The following SDK2 variants were observed in gnomAD, a reference collection of about 807,000 sequenced individuals.
SDK2 encodes protein sidekick-2.
In SDK2, 105 loss-of-function variants were observed where a neutral mutation model predicts 253.9. That is an observed-to-expected ratio of 0.41 (90% CI 0.35 to 0.49). The LOEUF (loss-of-function observed/expected upper bound fraction) is 0.49, where lower values mean the gene tolerates loss of function less well. SDK2 is among the 20% of genes least tolerant of loss of function. The probability of loss-of-function intolerance (pLI) is 0.06; values close to 1 mark genes in which losing one functional copy is unlikely to be tolerated. For synonymous variants in SDK2, 1,249 were observed against 1,234.9 expected, an observed-to-expected ratio of 1.01 and a Z score of -0.24; for missense variants, 2,608 against 3,003.0, an observed-to-expected ratio of 0.87 and a Z score of 3.07.
intron 1 of SDK2, among the ~76,000 whole-genome samples, chr17:73,603,786 G>A (rs2045872652): frequency 6.6e-6 from 1 of 152,220 alleles, no homozygotes; most frequent in Non-Finnish European, 1.5e-5. Context: ...TGGCAAAGCT[G>A]GGCCTTCAAC....
chr17:73,433,947 A>G, intron 9 of SDK2, 99 bp from the exon 10 acceptor site: 1 of 740,480 alleles, frequency 1.4e-6, no homozygotes, highest in Non-Finnish European at 2.2e-6. Context: ...CCAGGCCCTC[A>G]TCCTCCCCCT....
intron 36 of SDK2, among the ~76,000 whole-genome samples, chr17:73,373,778 A>G (rs1437410241): frequency 6.6e-6 from 1 of 151,982 alleles, no homozygotes; most frequent in East Asian, 1.9e-4. Context: ...TGCCTCAGCC[A>G]GGTGCCTGCC....
intron 2 of SDK2, among the ~76,000 whole-genome samples, chr17:73,495,624 GTGTGTGTGTGTGTGTGTGTGTTTGTT>G (rs1327421152): frequency 8.8e-5 from 13 of 147,194 alleles, no homozygotes; most frequent in Non-Finnish European, 1.8e-4. Context: ...TGCCCCGTGT[GTGTGTGTGTGTGTGTGTGTGTTTGTT>G]TGTGTATGTG....
intron 40 of SDK2, among the ~76,000 whole-genome samples, chr17:73,355,174 A>ATATATATATATATATATATATTTTTT: frequency 2.1e-5 from 1 of 47,240 alleles, no homozygotes; most frequent in Non-Finnish European, 3.4e-5. Flanking sequence ...ATATATATAT[A>ATATATATATATATATATATATTTTTT]TTTTTTTTTT....
chr17:73,445,981 G>A (rs1319873885), intron 5 of SDK2, among the ~76,000 whole-genome samples: 1 of 152,074 alleles, frequency 6.6e-6, no homozygotes, highest in Non-Finnish European at 1.5e-5. Context: ...ATGGAGCAGA[G>A]AGCGAATGAC....
At chr17:73,365,833 A>G (rs2062679988) in intron 37 of SDK2, among the ~76,000 whole-genome samples, 1 of 152,066 alleles carries the variant, frequency 6.6e-6, no homozygotes, top group African/African-American at 2.4e-5. Context: ...TAAACAAAGA[A>G]GACACCAGAA....
chr17:73,404,509 G>A (rs1397055887), intron 18 of SDK2, among the ~76,000 whole-genome samples: 1 of 152,138 alleles, frequency 6.6e-6, no homozygotes, highest in Non-Finnish European at 1.5e-5. Context: ...AGGAGCAGAT[G>A]GAAATCATTG....
chr17:73,614,418 T>C (rs2046021121), intron 1 of SDK2, among the ~76,000 whole-genome samples: 1 of 151,834 alleles, frequency 6.6e-6, no homozygotes, highest in African/African-American at 2.4e-5. Context: ...TGGATTTACC[T>C]GCTTATACTC....
At chr17:73,559,115 TC>T (rs1463818350) in intron 1 of SDK2, among the ~76,000 whole-genome samples, 2 of 152,078 alleles carry the variant, frequency 1.3e-5, no homozygotes, top group African/African-American at 4.8e-5. Context: ...AATACTGATT[TC>T]AACTGGACTC....
chr17:73,378,818 A>G (rs1337318195), intron 36 of SDK2, among the ~76,000 whole-genome samples: 1 of 152,034 alleles, frequency 6.6e-6, no homozygotes, highest in Non-Finnish European at 1.5e-5. Flanking sequence ...TGGGGCCAAA[A>G]GCCCCTTGGA....
At position 73,338,977 on chromosome 17, in the gene SDK2, C is replaced by G; in HGVS notation, c.6166-37G>C. On this transcript the variant is annotated intron_variant, in intron 44 of 44. Transcript: ENST00000392650. This position sits in a 1 kb window ranked among gnomAD's most constrained non-coding sequence, Gnocchi z 5.0. ...GAGAATCAGGGTGTGTCAGTGGCCCCGTAGGGACAGGCCATTGTGGTTGGG... is the reference window on the plus strand; with the variant it reads ...GAGAATCAGGGTGTGTCAGTGGCCCGGTAGGGACAGGCCATTGTGGTTGGG... 6.3e-7 allele frequency: 1 copy of G among 1,579,822 alleles called. No individual in the cohort carries two copies. The highest frequency in any genetic ancestry group is 8.7e-7 in the Non-Finnish European group (1 of 1,149,292).
Position 73,368,438 on chromosome 17 carries a change from G to T in SDK2, c.5136C>A (p.Ser1712Arg). 1 of 1,593,366 alleles carries T rather than the reference G, an allele frequency of 6.3e-7. No homozygotes were observed. ...GCTGGGTCTGGCCTTGGGTGGGGGTGCTCCGAGGCCCATCCCCAGCGGCGT... is the reference window on the plus strand; with the variant it reads ...GCTGGGTCTGGCCTTGGGTGGGGGTTCTCCGAGGCCCATCCCCAGCGGCGT... Reference protein sequence around the residue: ...AFNAAGDGPRSTPTQGQTQQA... With the variant: ...AFNAAGDGPRRTPTQGQTQQA... The change falls in exon 37 of 45, where the codon AGC (serine) becomes AGA (arginine). Residue 1712 changes from serine (S) to arginine (R), a missense_variant. Ser to Arg is a moderately radical substitution (Grantham distance 110). This residue lies in a region of SDK2 where 1,103 missense variants were observed against 1,143.9 expected (regional missense o/e 0.96). Transcript: ENST00000392650.
At position 73,564,756 on chromosome 17, in the gene SDK2, C is replaced by T. The variant is rs182198502; in HGVS notation, c.65-57159G>A. 5.3e-3 allele frequency among the ~76,000 whole-genome samples: 802 copies of T among 151,292 alleles called. 9 individuals are homozygous for T. The highest frequency in any genetic ancestry group is 0.017 in the African/African-American group (693 of 41,108). Reference sequence around the variant, plus strand: ...AGGAGGATCGCTTGAACCTGGGAGGCGGAGGTTGCAGTGGGCCGAGATCGC... The same window carrying T: ...AGGAGGATCGCTTGAACCTGGGAGGTGGAGGTTGCAGTGGGCCGAGATCGC... On this transcript the variant is annotated intron_variant, in intron 1 of 44. Transcript: ENST00000392650.
chr17:73,449,951 A>G (rs181874618), intron 4 of SDK2, among the ~76,000 whole-genome samples: 2 of 152,128 alleles, frequency 1.3e-5, no homozygotes, highest in African/African-American at 4.8e-5. Flanking sequence ...AACAAACAAA[A>G]AAACAAGAAA....
intron 16 of SDK2, among the ~76,000 whole-genome samples, chr17:73,417,558 G>A (rs954946883): frequency 3.9e-5 from 6 of 152,196 alleles, no homozygotes; most frequent in African/African-American, 1.4e-4. Flanking sequence ...TCTAGGGGAT[G>A]TGTCTGGACT....
At chr17:73,589,504 A>G (rs1178203564) in intron 1 of SDK2, among the ~76,000 whole-genome samples, 1 of 152,244 alleles carries the variant, frequency 6.6e-6, no homozygotes, top group African/African-American at 2.4e-5. Context: ...CACCACTTCC[A>G]GCAGCGTGAA....
intron 1 of SDK2, among the ~76,000 whole-genome samples, chr17:73,602,537 T>A: frequency 6.6e-6 from 1 of 151,512 alleles, no homozygotes; most frequent in East Asian, 1.9e-4. Flanking sequence ...TTTTTTTTTT[T>A]AATGAAGTTC....
chr17:73,431,424 G>A lies in SDK2; in HGVS notation c.1480+78C>T. On this transcript the variant is annotated intron_variant, in intron 11 of 44. Transcript: ENST00000392650. This position sits in a 1 kb window ranked among gnomAD's most constrained non-coding sequence, Gnocchi z 5.6. ...TGGTATGAGCCTGTGCCCCGTAGCT[G>A]TCCTGAGTCCTCAGCACCTACAGGG... 1 of 1,421,964 alleles carries A rather than the reference G, an allele frequency of 7.0e-7. No homozygotes were observed. The highest frequency in any genetic ancestry group is 9.5e-7 in the Non-Finnish European group (1 of 1,048,502). 88.1% of individuals were successfully genotyped at this position (1,421,964 alleles called of 1,614,324 possible).
At chr17:73,384,071 G>T in intron 32 of SDK2, 60 bp from the exon 33 acceptor site, 1 of 1,562,764 alleles carries the variant, frequency 6.4e-7, no homozygotes, top group South Asian at 1.2e-5. Context: ...CCCTCCCCAC[G>T]CTCTCTCATC....
Sources: allele counts gnomAD v4.1 joint callset (sites outside exome capture counted in the v4.1 genomes callset), GRCh38; gene constraint gnomAD v4.1.1; regional missense constraint gnomAD v4.1.1; non-coding constraint Gnocchi (gnomAD v3.1); transcripts MANE v1.5; gene names NCBI Gene and HGNC (gene_info 2026-07-23, HGNC 2026-07-21).